Variants in NEURL1 observed in about 807,000 individuals in gnomAD.
The protein encoded by NEURL1 is E3 ubiquitin-protein ligase NEURL1.
In NEURL1, 26 loss-of-function variants were observed where a neutral mutation model predicts 41.2. The ratio of observed to expected loss-of-function variants is 0.63; its 90% CI spans 0.46 to 0.87. The LOEUF (loss-of-function observed/expected upper bound fraction) is 0.87. Among genes scored for constraint, NEURL1 ranks in the 40% least tolerant of loss-of-function variants. The pLI, the probability that NEURL1 is intolerant of heterozygous loss-of-function variation, is 0.00. For synonymous variants in NEURL1, 400 were observed against 402.3 expected (o/e 0.99, Z 0.07); for missense variants, 761 against 871.1 (o/e 0.87, Z 1.59).
chr10:103,583,244 T>C (rs1427862244), intron 3 of NEURL1, among the ~76,000 whole-genome samples: 1 of 152,178 alleles, frequency 6.6e-6, no homozygotes, highest in African/African-American at 2.4e-5. Context: ...CTGGAGTCCT[T>C]GCCCATGAAT....
intron 3 of NEURL1, among the ~76,000 whole-genome samples, chr10:103,580,145 T>A (rs1343554367): frequency 6.6e-6 from 1 of 151,932 alleles, no homozygotes; most frequent in Non-Finnish European, 1.5e-5. Flanking sequence ...CTCCCTGCCC[T>A]GGCAGGGTCT....
intron 1 of NEURL1, among the ~76,000 whole-genome samples, chr10:103,498,558 GA>G (rs1480527821): frequency 6.6e-6 from 1 of 152,102 alleles, no homozygotes; most frequent in Non-Finnish European, 1.5e-5. Context: ...TATATAACCT[GA>G]AATTTACCAT....
chr10:103,588,175 A>G (rs2035961344), intron 4 of NEURL1, among the ~76,000 whole-genome samples: 1 of 151,990 alleles, frequency 6.6e-6, no homozygotes, highest in Non-Finnish European at 1.5e-5. Flanking sequence ...GCCTGGTGGC[A>G]GGCGCCTGTA....
intron 3 of NEURL1, among the ~76,000 whole-genome samples, chr10:103,573,189 G>A (rs917906154): frequency 6.6e-6 from 1 of 152,152 alleles, no homozygotes; most frequent in African/African-American, 2.4e-5. Flanking sequence ...CTCAACAAAA[G>A]TGTTTCTGCA....
intron 1 of NEURL1, among the ~76,000 whole-genome samples, chr10:103,520,430 G>A (rs1056190331): frequency 2.0e-4 from 30 of 152,252 alleles, no homozygotes; most frequent in African/African-American, 7.0e-4. Flanking sequence ...CTCAGTGGGG[G>A]AGCTTCTGAG....
intron 1 of NEURL1, among the ~76,000 whole-genome samples, chr10:103,563,457 G>C (rs541968312): frequency 6.6e-6 from 1 of 152,060 alleles, no homozygotes; most frequent in Non-Finnish European, 1.5e-5. Context: ...TCGCCCCACC[G>C]CCCAGAAAGT....
At chr10:103,541,798 A>G (rs1199445006) in intron 1 of NEURL1, among the ~76,000 whole-genome samples, 16 of 152,342 alleles carry the variant, frequency 1.1e-4, no homozygotes, top group South Asian at 8.3e-4. Flanking sequence ...AAGGAGCTGT[A>G]CTATGCAGAA....
chr10:103,569,311 A>G (rs1052803587), intron 1 of NEURL1, among the ~76,000 whole-genome samples: 2 of 152,234 alleles, frequency 1.3e-5, no homozygotes, highest in African/African-American at 4.8e-5. Context: ...TCATATCGGT[A>G]GTTCATTGTG....
chr10:103,509,375 T>C (rs1414154959), intron 1 of NEURL1, among the ~76,000 whole-genome samples: 2 of 152,196 alleles, frequency 1.3e-5, no homozygotes, highest in African/African-American at 2.4e-5. Flanking sequence ...ACCTAGATGG[T>C]GTAGCCTCCT....
At chr10:103,560,078 T>C (rs1242107702) in intron 1 of NEURL1, among the ~76,000 whole-genome samples, 1 of 152,012 alleles carries the variant, frequency 6.6e-6, no homozygotes, top group Non-Finnish European at 1.5e-5. Context: ...CACACACACA[T>C]ACACACTCAC....
chr10:103,522,309 G>A (rs2034367679), intron 1 of NEURL1, among the ~76,000 whole-genome samples: 1 of 151,864 alleles, frequency 6.6e-6, no homozygotes, highest in Admixed American at 6.6e-5. Context: ...TCATTTTTAT[G>A]TTCTTAAAAG....
chr10:103,516,193 A>G (rs1393818059), intron 1 of NEURL1, among the ~76,000 whole-genome samples: 1 of 140,194 alleles, frequency 7.1e-6, no homozygotes, highest in African/African-American at 2.7e-5. Flanking sequence ...GCACGACTGC[A>G]CTCCAGCCTG....
At chr10:103,570,355 C>T (rs1245821673) in intron 1 of NEURL1, among the ~76,000 whole-genome samples, 1 of 152,156 alleles carries the variant, frequency 6.6e-6, no homozygotes, top group Non-Finnish European at 1.5e-5. Context: ...GTTGTCTTCC[C>T]CAAGGTCACA....
At position 103,584,999 on chromosome 10, in the gene NEURL1, T is replaced by C. The variant is rs2236209; in HGVS notation, c.1113T>C (p.Pro371=). The C allele has an allele frequency of 0.55, 862,232 of 1,564,510 alleles. 239,317 individuals are homozygous for C. Among genetic ancestry groups the C allele is most frequent in the East Asian group, 0.62 (26,154 of 42,168 alleles). Reference sequence around the variant, plus strand: ...GCACGCTGCGGCCGGCCGACCTGCCTTTCAGCCCTGAGGCCCTGGTGGACC... The same window carrying C: ...GCACGCTGCGGCCGGCCGACCTGCCCTTCAGCCCTGAGGCCCTGGTGGACC... The part of the protein sequence containing the change: ...DPGTLRPADL[P]FSPEALVDRK... Residue 371 remains proline (P), a synonymous_variant, in exon 4 of 6, where the codon CCT becomes CCC. Transcript: ENST00000369780.
At chr10:103,498,839 C>A in intron 1 of NEURL1, among the ~76,000 whole-genome samples, 1 of 152,204 alleles carries the variant, frequency 6.6e-6, no homozygotes, top group Non-Finnish European at 1.5e-5. Context: ...ATAATCTTTT[C>A]AAGTTTCATC....
At chr10:103,587,605 A>G (rs867198504) in intron 4 of NEURL1, among the ~76,000 whole-genome samples, 3 of 152,256 alleles carry the variant, frequency 2.0e-5, no homozygotes, top group African/African-American at 2.4e-5. Flanking sequence ...TAGCCTAAGT[A>G]TACTAAAAAT....
rs1019293277 is a variant in NEURL1 at position 103,493,713 on chromosome 10, A to T, written c.-675A>T. Among the ~76,000 whole-genome samples, 2 of 151,878 alleles carry T rather than the reference A, an allele frequency of 1.3e-5. No homozygotes were observed. Among genetic ancestry groups the T allele is most frequent in the African/African-American group, 2.4e-5 (1 of 41,382 alleles). On this transcript the variant is annotated 5_prime_UTR_variant, in exon 1 of 6. Transcript: ENST00000369780. Reference sequence around the variant, plus strand: ...GCGCGCGCGTGTCACTAAGACGCTCATTCACCGGCGCAGCTGTCACCATAA... The same window carrying T: ...GCGCGCGCGTGTCACTAAGACGCTCTTTCACCGGCGCAGCTGTCACCATAA...
intron 3 of NEURL1, 133 bp downstream of exon 3, chr10:103,571,955 C>A: frequency 1.1e-6 from 1 of 885,332 alleles, no homozygotes; most frequent in Non-Finnish European, 1.7e-6. Flanking sequence ...ACCGGGGCAG[C>A]CCTGGGAACC....
chr10:103,552,761 G>A (rs973928326), intron 1 of NEURL1, among the ~76,000 whole-genome samples: 3 of 152,190 alleles, frequency 2.0e-5, no homozygotes, highest in African/African-American at 7.2e-5. Flanking sequence ...TGGTTGAGGT[G>A]CACCCAGGAG....
Sources: allele counts gnomAD v4.1 joint callset (sites outside exome capture counted in the v4.1 genomes callset), GRCh38; gene constraint gnomAD v4.1.1; transcripts MANE v1.5; gene names NCBI Gene and HGNC (gene_info 2026-07-23, HGNC 2026-07-21).